Variants in TRAPPC9 observed in about 807,000 individuals in gnomAD.
TRAPPC9 encodes the protein IKK2 binding protein.
Under a neutral mutation model 124.0 loss-of-function variants are expected in TRAPPC9, and 83 were observed. The observed-to-expected ratio is 0.67, with a 90% CI of 0.56 to 0.80. The LOEUF (loss-of-function observed/expected upper bound fraction) is 0.80. Among genes scored for constraint, TRAPPC9 ranks in the 30% least tolerant of loss-of-function variants. TRAPPC9 has a pLI of 0.00. For synonymous variants in TRAPPC9, 638 were observed against 617.5 expected, an observed-to-expected ratio of 1.03 and a Z score of -0.49; for missense variants, 1,302 against 1,508.3, an observed-to-expected ratio of 0.86 and a Z score of 2.27.
chr8:140,203,086 C>T (rs1412307487), intron 17 of TRAPPC9, among the ~76,000 whole-genome samples: 1 of 152,080 alleles, frequency 6.6e-6, no homozygotes, highest in Non-Finnish European at 1.5e-5. Context: ...GTTTGGACTA[C>T]CTTGTTATAA....
chr8:140,430,010 G>C (rs2070577708), intron 4 of TRAPPC9, among the ~76,000 whole-genome samples: 1 of 151,552 alleles, frequency 6.6e-6, no homozygotes, highest in Non-Finnish European at 1.5e-5. Context: ...AGCTGGGCGA[G>C]GTGGCAGGCG....
chr8:139,857,958 G>A (rs1306505690), intron 21 of TRAPPC9, among the ~76,000 whole-genome samples: 1 of 152,202 alleles, frequency 6.6e-6, no homozygotes, highest in African/African-American at 2.4e-5. Context: ...CTTCCCAGTT[G>A]TCCACTGTGG....
At chr8:140,288,894 G>C (rs867659184) in intron 12 of TRAPPC9, among the ~76,000 whole-genome samples, 1 of 152,140 alleles carries the variant, frequency 6.6e-6, no homozygotes, top group African/African-American at 2.4e-5. Flanking sequence ...TCTTTTTAGC[G>C]GGTTGGTTTT....
At chr8:140,037,005 C>A (rs574697088) in intron 17 of TRAPPC9, among the ~76,000 whole-genome samples, 1 of 152,074 alleles carries the variant, frequency 6.6e-6, no homozygotes, top group East Asian at 1.9e-4. Context: ...TAGCCCCCCA[C>A]CCCCGACAGG....
At chr8:140,195,175 A>G in intron 17 of TRAPPC9, among the ~76,000 whole-genome samples, 1 of 151,376 alleles carries the variant, frequency 6.6e-6, no homozygotes, top group East Asian at 2.0e-4. Flanking sequence ...ACACTCAAGG[A>G]TCCACCGAAC....
In TRAPPC9 at chr8:139,931,796, C is replaced by T. The variant is rs74578736; in HGVS notation, c.2811-21496G>A. ...CATCATTAGGATTACAAGTGCCATGCGGTAGAAGAGGAAGGGAAACACGAA... is the reference window on the plus strand; with the variant it reads ...CATCATTAGGATTACAAGTGCCATGTGGTAGAAGAGGAAGGGAAACACGAA... On this transcript the variant is annotated intron_variant, in intron 19 of 22. Transcript: ENST00000438773. 3.4e-3 allele frequency: 597 copies of T among 173,848 alleles called. 5 individuals carry two copies. Among genetic ancestry groups the T allele is most frequent in the African/African-American group, 0.014 (568 of 41,648 alleles). The allele number at this position is 173,848 out of a possible 1,614,324, so 10.8% of individuals were successfully genotyped here.
chr8:139,948,772 C>T (rs980820185), intron 19 of TRAPPC9, among the ~76,000 whole-genome samples: 5 of 152,092 alleles, frequency 3.3e-5, no homozygotes, highest in South Asian at 4.1e-4. Context: ...GCCTGCTCAC[C>T]GAAATATTAA....
intron 19 of TRAPPC9, among the ~76,000 whole-genome samples, chr8:139,915,862 C>G (rs557288706): frequency 6.6e-6 from 1 of 152,348 alleles, no homozygotes; most frequent in Admixed American, 6.5e-5. Context: ...TCTCTACACC[C>G]AAACTTCCTT....
At chr8:140,370,930 C>A (rs1316862257) in intron 8 of TRAPPC9, 34 bp downstream of exon 8, 2 of 1,610,642 alleles carry the variant, frequency 1.2e-6, no homozygotes, top group Admixed American at 3.3e-5. Flanking sequence ...AGACAGAAAG[C>A]AACACCTTAG....
At chr8:140,067,430 A>G (rs536803187) in intron 17 of TRAPPC9, among the ~76,000 whole-genome samples, 1 of 152,320 alleles carries the variant, frequency 6.6e-6, no homozygotes, top group South Asian at 2.1e-4. Context: ...GGCCTGAGCC[A>G]CCACGCCCCA....
chr8:140,145,671 T>C (rs1196211031), intron 17 of TRAPPC9, among the ~76,000 whole-genome samples: 2 of 152,212 alleles, frequency 1.3e-5, no homozygotes, highest in African/African-American at 4.8e-5. Context: ...GATTTCGATT[T>C]GCTAATATTT....
intron 9 of TRAPPC9, among the ~76,000 whole-genome samples, chr8:140,344,155 CCCAGAGAGCT>C (rs2067270873): frequency 6.6e-6 from 1 of 152,074 alleles, no homozygotes. Flanking sequence ...TAAAGGAGAT[CCCAGAGAGCT>C]CCCTCGCCCC....
chr8:140,384,439 A>C (rs527634735), intron 7 of TRAPPC9, among the ~76,000 whole-genome samples: 1 of 152,324 alleles, frequency 6.6e-6, no homozygotes, highest in East Asian at 1.9e-4. Context: ...AGACACACAT[A>C]GGCTCAAAAT....
intron 21 of TRAPPC9, among the ~76,000 whole-genome samples, chr8:139,816,751 C>T (rs531799576): frequency 2.0e-5 from 3 of 152,180 alleles, no homozygotes; most frequent in African/African-American, 4.8e-5. Flanking sequence ...CAATGCCAAG[C>T]GACCCTTCCT....
At chr8:139,914,369 C>G (rs758870711) in intron 19 of TRAPPC9, among the ~76,000 whole-genome samples, 1 of 152,208 alleles carries the variant, frequency 6.6e-6, no homozygotes, top group Non-Finnish European at 1.5e-5. Flanking sequence ...CCGAGGGGCA[C>G]GAAGCTGAGA....
At chr8:140,371,617 A>G (rs1044902241) in intron 7 of TRAPPC9, among the ~76,000 whole-genome samples, 1 of 101,998 alleles carries the variant, frequency 9.8e-6, no homozygotes, top group African/African-American at 4.9e-5. Flanking sequence ...CAGACTTAAG[A>G]CTTCAGGGTT....
chr8:140,010,514 C>T (rs572807978), intron 18 of TRAPPC9, among the ~76,000 whole-genome samples: 1 of 152,118 alleles, frequency 6.6e-6, no homozygotes, highest in South Asian at 2.1e-4. Context: ...AAGATTAATA[C>T]AAATTTTTGA....
intron 21 of TRAPPC9, among the ~76,000 whole-genome samples, chr8:139,865,580 G>A (rs1563874592): frequency 6.6e-6 from 1 of 152,174 alleles, no homozygotes; most frequent in South Asian, 2.1e-4. Context: ...GAATGAGTAA[G>A]AGTGAATGGC....
intron 17 of TRAPPC9, among the ~76,000 whole-genome samples, chr8:140,117,802 T>G (rs1028085616): frequency 1.3e-5 from 2 of 151,936 alleles, no homozygotes; most frequent in African/African-American, 4.8e-5. Flanking sequence ...AAAAGTAAGC[T>G]TGATGTTTTT....
Sources: allele counts gnomAD v4.1 joint callset (sites outside exome capture counted in the v4.1 genomes callset), GRCh38; gene constraint gnomAD v4.1.1; transcripts MANE v1.5; gene names NCBI Gene and HGNC (gene_info 2026-07-23, HGNC 2026-07-21).